Variants in UBE3C observed in about 807,000 individuals in gnomAD.
UBE3C encodes ubiquitin-protein ligase E3C.
A neutral mutation model predicts 129.4 loss-of-function variants in UBE3C; 42 were observed. That is an observed-to-expected ratio of 0.32 (90% CI 0.25 to 0.42). The LOEUF is 0.42. Ranked by LOEUF, UBE3C falls within the 10% of genes least tolerant of loss-of-function variation. UBE3C has a pLI of 1.00. For synonymous variants in UBE3C, 510 were observed against 492.4 expected (o/e 1.04, Z -0.47); for missense variants, 1,049 against 1,319.1 (o/e 0.80, Z 3.17).
chr7:157,156,410 G>C (rs1807907255), intron 1 of UBE3C, among the ~76,000 whole-genome samples: 1 of 147,268 alleles, frequency 6.8e-6, no homozygotes, highest in African/African-American at 2.5e-5. Context: ...AGGTTCAAGT[G>C]ATTCTTGTGC....
At chr7:157,163,764 A>G in intron 1 of UBE3C, 46 bp from the exon 2 acceptor site, 7 of 1,588,736 alleles carry the variant, frequency 4.4e-6, no homozygotes, top group Non-Finnish European at 6.0e-6. Flanking sequence ...GGAGTTTTAA[A>G]ATTGAAATTA....
intron 5 of UBE3C, among the ~76,000 whole-genome samples, chr7:157,177,217 T>C (rs1475305738): frequency 1.3e-5 from 2 of 152,222 alleles, no homozygotes; most frequent in Non-Finnish European, 2.9e-5. Context: ...CTGTATTTTA[T>C]TGTGATTGGA....
intron 9 of UBE3C, among the ~76,000 whole-genome samples, chr7:157,185,515 T>A (rs58409418): frequency 0.12 from 17,523 of 152,224 alleles, 1,242 homozygotes; most frequent in African/African-American, 0.19. Flanking sequence ...AAGACCCCAT[T>A]TTGAGCCAGG....
chr7:157,153,736 G>A (rs1029166904), intron 1 of UBE3C, among the ~76,000 whole-genome samples: 2 of 152,148 alleles, frequency 1.3e-5, no homozygotes, highest in Non-Finnish European at 2.9e-5. Flanking sequence ...CGGCACTCTG[G>A]GAGGCTAAGG....
At chr7:157,198,095 T>C in intron 10 of UBE3C, 1 of 1,612,370 alleles carries the variant, frequency 6.2e-7, no homozygotes, top group Non-Finnish European at 8.5e-7. Flanking sequence ...ATTGAGCATT[T>C]GTTGGTTCAT....
At chr7:157,170,170 A>T in intron 3 of UBE3C, 134 bp from the exon 4 acceptor site, 9 of 581,432 alleles carry the variant, frequency 1.5e-5, no homozygotes, top group African/African-American at 6.1e-5. Flanking sequence ...TTCAACTGTG[A>T]GCAAGGACCG....
At chr7:157,201,684 C>A in intron 10 of UBE3C, 37 bp from the exon 11 acceptor site, 42 of 479,904 alleles carry the variant, frequency 8.8e-5, no homozygotes, top group Middle Eastern at 5.0e-4. Flanking sequence ...TAAGTAATTG[C>A]TTTACTGTTC....
At chr7:157,192,033 A>G (rs367980419) in intron 10 of UBE3C, among the ~76,000 whole-genome samples, 1 of 152,240 alleles carries the variant, frequency 6.6e-6, no homozygotes, top group East Asian at 1.9e-4. Context: ...TTCAGCACAT[A>G]GTGATCTTAA....
At chr7:157,232,235 C>G (rs777577849) in intron 18 of UBE3C, among the ~76,000 whole-genome samples, 112 of 152,170 alleles carry the variant, frequency 7.4e-4, no homozygotes, top group Non-Finnish European at 1.4e-3. Flanking sequence ...CTGCAAATAC[C>G]TCATTTCCAA....
intron 4 of UBE3C, among the ~76,000 whole-genome samples, chr7:157,172,127 G>C (rs1361267836): frequency 6.6e-6 from 1 of 151,888 alleles, no homozygotes; most frequent in African/African-American, 2.4e-5. Flanking sequence ...CGCCTCCTGG[G>C]TTCAAGCGAT....
At chr7:157,214,391 C>G (rs1195294366) in intron 13 of UBE3C, among the ~76,000 whole-genome samples, 1 of 152,098 alleles carries the variant, frequency 6.6e-6, no homozygotes, top group African/African-American at 2.4e-5. Context: ...TTAGGCAGAC[C>G]TGATCTTTCC....
In UBE3C at chr7:157,230,860, G is replaced by A. The variant is rs571250567; in HGVS notation, c.2234-220G>A. 2.0e-5 allele frequency among the ~76,000 whole-genome samples: 3 copies of A among 152,258 alleles called. No homozygotes were observed. The East Asian group carries it at 5.8e-4, about 29-fold the overall frequency. On this transcript the variant is annotated intron_variant, in intron 17 of 22. Coordinates refer to ENST00000348165, the MANE Select transcript of UBE3C (RefSeq NM_014671.3). Reference sequence around the variant, plus strand: ...TTCCCTGAGAGTTTGTGGGGGCGGAGGTTGCAGTGAGCCGAGATCGTGCCA... The same window carrying A: ...TTCCCTGAGAGTTTGTGGGGGCGGAAGTTGCAGTGAGCCGAGATCGTGCCA...
Position 157,178,865 on chromosome 7 carries a change from T to A in UBE3C, c.616+18T>A. On this transcript the variant is annotated intron_variant, in intron 6 of 22. Coordinates refer to ENST00000348165, the MANE Select transcript of UBE3C (RefSeq NM_014671.3). ...TCACAATGGTAAGTAGTAGGCAGGA[T>A]CAGAACTGTGGCTCAGCATCCTGAT... 6.2e-7 allele frequency: 1 copy of A among 1,611,516 alleles called. No individual in the cohort carries two copies. Among genetic ancestry groups the A allele is most frequent in the Non-Finnish European group, 8.5e-7 (1 of 1,177,982 alleles).
intron 18 of UBE3C, among the ~76,000 whole-genome samples, chr7:157,239,472 G>A (rs530087808): frequency 6.6e-6 from 1 of 152,198 alleles, no homozygotes; most frequent in African/African-American, 2.4e-5. Flanking sequence ...GGCTTCCAAG[G>A]TGCTAGGCAT....
chr7:157,193,483 T>C (rs1194218031), intron 10 of UBE3C, among the ~76,000 whole-genome samples: 1 of 152,054 alleles, frequency 6.6e-6, no homozygotes, highest in Non-Finnish European at 1.5e-5. Flanking sequence ...CTCAAGAGAG[T>C]CCCCGTGGAA....
Position 157,268,606 on chromosome 7 carries a change from G to A in UBE3C, c.*851G>A, listed in dbSNP as rs1034724930. On this transcript the variant is annotated 3_prime_UTR_variant, in exon 23 of 23. Transcript: ENST00000348165. ...AAAGTGGCGGCTGCATCTTTGTCCCGATGCTAGCCGTGCCGGTCTCCCATC... is the reference window on the plus strand; with the variant it reads ...AAAGTGGCGGCTGCATCTTTGTCCCAATGCTAGCCGTGCCGGTCTCCCATC... 7.9e-5 allele frequency: 12 copies of A among 152,744 alleles called. No homozygotes were observed. The highest frequency in any genetic ancestry group is 1.5e-4 in the Non-Finnish European group (10 of 68,052). 9.5% of individuals were successfully genotyped at this position (152,744 alleles called of 1,614,324 possible).
chr7:157,173,197 A>AC (rs764088203), intron 4 of UBE3C, among the ~76,000 whole-genome samples: 10 of 151,978 alleles, frequency 6.6e-5, no homozygotes, highest in Non-Finnish European at 1.2e-4. Flanking sequence ...AAAATACCAG[A>AC]CCCCACCTGT....
intron 22 of UBE3C, among the ~76,000 whole-genome samples, chr7:157,257,393 G>A (rs950846758): frequency 1.3e-5 from 2 of 152,134 alleles, no homozygotes; most frequent in South Asian, 2.1e-4. Flanking sequence ...CAGGTACAAC[G>A]TAGAGATGTT....
At position 157,192,692 on chromosome 7, in the gene UBE3C, G is replaced by A. The variant is rs533290863; in HGVS notation, c.1331+5671G>A. The A allele has an allele frequency of 6.6e-5, 52 of 782,050 alleles. No homozygotes were observed. The South Asian group carries it at 6.7e-4, about 10-fold the overall frequency. The allele number at this position is 782,050 out of a possible 1,614,324, so 48.4% of individuals were successfully genotyped here. ...TCCTGAAGTATTAGAAGGTGGATGA[G>A]AATGACAAAATGAGCTGCCTTCGTC... On this transcript the variant is annotated intron_variant, in intron 10 of 22. Transcript: ENST00000348165.
Sources: allele counts gnomAD v4.1 joint callset (sites outside exome capture counted in the v4.1 genomes callset), GRCh38; gene constraint gnomAD v4.1.1; transcripts MANE v1.5; gene names NCBI Gene and HGNC (gene_info 2026-07-23, HGNC 2026-07-21).